DLG2: variants seen among roughly 807,000 people sequenced by gnomAD.
DLG2 encodes discs large MAGUK scaffold protein 2, also known as disks large homolog 2.
Under a neutral mutation model 132.5 loss-of-function variants are expected in DLG2, and 45 were observed. The observed-to-expected ratio is 0.34, with a 90% confidence interval of 0.27 to 0.44. The LOEUF is 0.44. Ranked by LOEUF, DLG2 falls within the 20% of genes least tolerant of loss-of-function variation. The probability of loss-of-function intolerance (pLI) is 1.00; values close to 1 mark genes in which losing one functional copy is unlikely to be tolerated. For missense variants in DLG2, 1,045 were observed against 1,196.9 expected (o/e 0.87, Z 1.87); for synonymous variants, 424 against 419.6 (o/e 1.01, Z -0.13).
chr11:83,589,349 G>T (rs1181529351), intron 19 of DLG2, among the ~76,000 whole-genome samples: 1 of 145,438 alleles, frequency 6.9e-6, no homozygotes, highest in Non-Finnish European at 1.5e-5. Context: ...CATTCTTAAA[G>T]AAAAGAATTT....
chr11:85,163,055 T>A (rs2078160585), intron 4 of DLG2, among the ~76,000 whole-genome samples: 1 of 152,156 alleles, frequency 6.6e-6, no homozygotes, highest in Admixed American at 6.5e-5. Flanking sequence ...CCAGCCTACA[T>A]CCTTCTCCCA....
chr11:84,082,856 A>T (rs540187853), intron 10 of DLG2, among the ~76,000 whole-genome samples: 1 of 152,344 alleles, frequency 6.6e-6, no homozygotes, highest in South Asian at 2.1e-4. Context: ...GGTGAGAGAC[A>T]TGCTAGATGT....
intron 6 of DLG2, among the ~76,000 whole-genome samples, chr11:85,078,762 A>G (rs756502265): frequency 5.9e-5 from 9 of 152,130 alleles, no homozygotes; most frequent in Admixed American, 1.3e-4. Context: ...GGTTAAGATG[A>G]GAACTGAGAA....
intron 18 of DLG2, among the ~76,000 whole-genome samples, chr11:83,697,903 C>G (rs565738087): frequency 6.6e-6 from 1 of 152,242 alleles, no homozygotes; most frequent in East Asian, 1.9e-4. Context: ...AGAAGTGATT[C>G]TAAAAGACTT....
At chr11:84,379,733 C>G (rs541882047) in intron 7 of DLG2, among the ~76,000 whole-genome samples, 2 of 151,546 alleles carry the variant, frequency 1.3e-5, no homozygotes, top group East Asian at 1.9e-4. Flanking sequence ...TGCCAGTACA[C>G]TTTTAATGAG....
At chr11:83,688,512 T>C (rs1252642198) in intron 18 of DLG2, among the ~76,000 whole-genome samples, 1 of 152,166 alleles carries the variant, frequency 6.6e-6, no homozygotes, top group East Asian at 1.9e-4. Context: ...CTTTGCAAGA[T>C]GGACCAGCCT....
At chr11:84,513,265 A>G (rs2099262455) in intron 7 of DLG2, among the ~76,000 whole-genome samples, 1 of 152,136 alleles carries the variant, frequency 6.6e-6, no homozygotes, top group Non-Finnish European at 1.5e-5. Context: ...TACCCAAAGC[A>G]ATCTACAAAT....
intron 4 of DLG2, among the ~76,000 whole-genome samples, chr11:85,173,367 C>T (rs540881554): frequency 2.9e-4 from 44 of 152,208 alleles, no homozygotes; most frequent in African/African-American, 1.1e-3. Flanking sequence ...CATGTCTGGC[C>T]AAACTAAACT....
intron 23 of DLG2, 65 bp downstream of exon 23, chr11:83,472,662 C>T: frequency 4.2e-6 from 6 of 1,429,844 alleles, no homozygotes; most frequent in South Asian, 1.2e-5. Flanking sequence ...CACTCTTTCC[C>T]TCCTTCAATG....
At chr11:85,547,752 A>G (rs1250735976) in intron 3 of DLG2, among the ~76,000 whole-genome samples, 3 of 151,900 alleles carry the variant, frequency 2.0e-5, no homozygotes, top group Admixed American at 2.0e-4. Flanking sequence ...AGTCACTGAT[A>G]TCCTTTCTTC....
intron 19 of DLG2, among the ~76,000 whole-genome samples, chr11:83,600,234 A>AGGGT (rs1565994732): frequency 2.6e-5 from 2 of 76,604 alleles, no homozygotes; most frequent in African/African-American, 7.5e-5. Flanking sequence ...AGCTAGCTAT[A>AGGGT]GGGTGTGTGT....
intron 4 of DLG2, among the ~76,000 whole-genome samples, chr11:85,184,521 T>C (rs972051770): frequency 1.3e-5 from 2 of 151,810 alleles, no homozygotes; most frequent in Non-Finnish European, 2.9e-5. Context: ...AGCAGTTTCC[T>C]CCAAGTGAGA....
At chr11:85,287,354 TA>T (rs1361031093) in intron 3 of DLG2, among the ~76,000 whole-genome samples, 1 of 151,998 alleles carries the variant, frequency 6.6e-6, no homozygotes, top group East Asian at 1.9e-4. Context: ...AAAGAATTGG[TA>T]AAAGTTATGA....
chr11:84,595,089 A>G (rs373358851), intron 6 of DLG2, among the ~76,000 whole-genome samples: 2 of 152,278 alleles, frequency 1.3e-5, no homozygotes, highest in East Asian at 3.9e-4. Context: ...CTCATTTTAT[A>G]TTTATTTTGG....
intron 19 of DLG2, among the ~76,000 whole-genome samples, chr11:83,591,045 C>T (rs1286452167): frequency 6.6e-6 from 1 of 152,222 alleles, no homozygotes; most frequent in African/African-American, 2.4e-5. Flanking sequence ...GATTCACAGC[C>T]GAATTCTATC....
At chr11:85,292,091 C>G (rs1166955952) in intron 3 of DLG2, among the ~76,000 whole-genome samples, 1 of 152,144 alleles carries the variant, frequency 6.6e-6, no homozygotes, top group African/African-American at 2.4e-5. Context: ...TTTCTGAACA[C>G]TTGGTTCTGC....
intron 3 of DLG2, among the ~76,000 whole-genome samples, chr11:85,439,358 T>A (rs1162846101): frequency 1.7e-5 from 2 of 115,530 alleles, no homozygotes; most frequent in East Asian, 5.0e-4. Context: ...TCCTCAGCAT[T>A]TTTTTTTTTT....
At chr11:85,410,704 T>C (rs1299280031) in intron 3 of DLG2, among the ~76,000 whole-genome samples, 1 of 151,856 alleles carries the variant, frequency 6.6e-6, no homozygotes, top group East Asian at 1.9e-4. Context: ...TAAGAAAATA[T>C]GGTCTCAGCC....
intron 3 of DLG2, among the ~76,000 whole-genome samples, chr11:85,534,878 T>C (rs531233877): frequency 5.9e-5 from 9 of 152,358 alleles, no homozygotes; most frequent in Non-Finnish European, 1.0e-4. Context: ...CTGCGTTGGA[T>C]GGCGATTCTA....
Sources: gnomAD v4.1 joint callset for allele counts (sites outside exome capture counted in the v4.1 genomes callset) on GRCh38, gnomAD v4.1.1 for gene constraint, MANE v1.5 for transcripts, NCBI Gene and HGNC (gene_info 2026-07-23, HGNC 2026-07-21) for gene names.